The following RBFOX1 variants were observed in gnomAD, a reference collection of about 807,000 sequenced individuals.
The protein encoded by RBFOX1 is RNA binding fox-1 homolog 1, also known as RNA binding protein fox-1 homolog 1.
RBFOX1 carries 8 observed loss-of-function variants against 57.7 expected under a neutral mutation model. The observed-to-expected ratio is 0.14, with a 90% CI of 0.08 to 0.25. The LOEUF (loss-of-function observed/expected upper bound fraction) is 0.25. Ranked by LOEUF, RBFOX1 falls within the 10% of genes least tolerant of loss-of-function variation. The probability of loss-of-function intolerance (pLI) is 1.00; values close to 1 mark genes in which losing one functional copy is unlikely to be tolerated. For synonymous variants in RBFOX1, 326 were observed against 222.4 expected, an observed-to-expected ratio of 1.47 and a Z score of -4.15; for missense variants, 611 against 548.5, an observed-to-expected ratio of 1.11 and a Z score of -1.14.
chr16:5,861,763 T>C (rs949946314), intron 3 of RBFOX1, among the ~76,000 whole-genome samples: 1 of 152,160 alleles, frequency 6.6e-6, no homozygotes, highest in South Asian at 2.1e-4. Context: ...ATGATTTCAT[T>C]TGTTGCAAAG....
At position 7,501,234 on chromosome 16, in the gene RBFOX1, C is replaced by T. The variant is rs1015944119; in HGVS notation, c.28-16913C>T. Among the ~76,000 whole-genome samples the T allele has an allele frequency of 2.6e-5, 4 of 152,206 alleles. No homozygotes were observed. In the South Asian group the frequency reaches 8.3e-4, roughly 32 times the overall value. On this transcript the variant is annotated intron_variant, in intron 4 of 15. Transcript: ENST00000550418. ...CTAAAGTGACTACTTGTTTCCTCTG[C>T]TTATTTCTTCTATTTCAAGCACTAG...
chr16:6,298,526 C>G (rs887234218), intron 1 of RBFOX1, among the ~76,000 whole-genome samples: 1 of 152,150 alleles, frequency 6.6e-6, no homozygotes, highest in Non-Finnish European at 1.5e-5. Flanking sequence ...GCCTTGATTT[C>G]TTTTCAAATT....
At chr16:5,650,082 G>A (rs188225264) in intron 3 of RBFOX1, among the ~76,000 whole-genome samples, 1 of 152,280 alleles carries the variant, frequency 6.6e-6, no homozygotes, top group African/African-American at 2.4e-5. Context: ...AAGGCACGTT[G>A]GGGTCTTCAT....
chr16:6,130,524 A>G (rs973367034), intron 1 of RBFOX1, among the ~76,000 whole-genome samples: 4 of 152,186 alleles, frequency 2.6e-5, no homozygotes, highest in Admixed American at 2.0e-4. Context: ...AAAGACAACC[A>G]TAGAAATAAT....
At chr16:6,087,657 C>CTT (rs199760935) in intron 1 of RBFOX1, among the ~76,000 whole-genome samples, 49 of 142,920 alleles carry the variant, frequency 3.4e-4, no homozygotes, top group African/African-American at 1.1e-3. Flanking sequence ...ATTTATCTTA[C>CTT]TTTTTTTTTT....
chr16:6,587,189 C>G (rs959306621), intron 2 of RBFOX1, among the ~76,000 whole-genome samples: 1 of 152,144 alleles, frequency 6.6e-6, no homozygotes, highest in African/African-American at 2.4e-5. Flanking sequence ...GCTCCCCTCT[C>G]TCCGCACTGG....
intron 3 of RBFOX1, among the ~76,000 whole-genome samples, chr16:6,820,615 CACT>C (rs1316504973): frequency 6.6e-6 from 1 of 151,992 alleles, no homozygotes; most frequent in African/African-American, 2.4e-5. Context: ...GCCATGATCA[CACT>C]ACTACAGTCC....
intron 1 of RBFOX1, among the ~76,000 whole-genome samples, chr16:5,248,314 C>G (rs1028036184): frequency 1.3e-5 from 2 of 152,256 alleles, no homozygotes; most frequent in African/African-American, 4.8e-5. Flanking sequence ...ATTTAATTTC[C>G]TTTTTTTGTT....
intron 3 of RBFOX1, among the ~76,000 whole-genome samples, chr16:5,830,201 A>G (rs1010428737): frequency 2.0e-5 from 3 of 151,916 alleles, no homozygotes; most frequent in Non-Finnish European, 4.4e-5. Flanking sequence ...GTTAGAGACC[A>G]TTTGCCCCGC....
intron 1 of RBFOX1, among the ~76,000 whole-genome samples, chr16:5,266,779 GAGCTGTTGGGCTCA>G (rs2151112215): frequency 6.6e-6 from 1 of 151,626 alleles, no homozygotes; most frequent in East Asian, 2.0e-4. Flanking sequence ...GGCTGGTCTC[GAGCTGTTGGGCTCA>G]AGCAATCTGC....
At chr16:6,324,984 A>G (rs1017314219) in intron 2 of RBFOX1, among the ~76,000 whole-genome samples, 3 of 152,160 alleles carry the variant, frequency 2.0e-5, no homozygotes, top group African/African-American at 4.8e-5. Flanking sequence ...CAGTACAGAC[A>G]TTTTGCTTTC....
rs114367646 is a variant in RBFOX1 at position 5,444,384 on chromosome 16, T to C, written c.220-22832T>C. ...TTCCTTTGGCTGAATTTCAAGCATG[T>C]AAACCATGTGCTAATAGCAAGAATG... On this transcript the variant is annotated intron_variant, in intron 1 of 2. Transcript: ENST00000585867. Among the ~76,000 whole-genome samples the C allele has an allele frequency of 9.1e-4, 138 of 152,344 alleles. 2 individuals are homozygous for C. The highest frequency in any genetic ancestry group is 3.2e-3 in the African/African-American group (131 of 41,582).
chr16:5,705,190 A>G (rs991376572), intron 3 of RBFOX1, among the ~76,000 whole-genome samples: 11 of 152,192 alleles, frequency 7.2e-5, no homozygotes, highest in African/African-American at 2.4e-4. Context: ...CCTATCTTCC[A>G]TCATGCTTCA....
At chr16:6,333,612 A>G (rs2083298085) in intron 2 of RBFOX1, among the ~76,000 whole-genome samples, 1 of 152,042 alleles carries the variant, frequency 6.6e-6, no homozygotes, top group African/African-American at 2.4e-5. Context: ...ACCTCTGAAA[A>G]ACTCTTAAAA....
At chr16:7,393,012 T>C (rs1225838496) in intron 4 of RBFOX1, among the ~76,000 whole-genome samples, 1 of 152,148 alleles carries the variant, frequency 6.6e-6, no homozygotes, top group Non-Finnish European at 1.5e-5. Context: ...TAGCTGGGAC[T>C]ACAGGCCCAT....
intron 2 of RBFOX1, among the ~76,000 whole-genome samples, chr16:6,453,829 CAGGG>C (rs2094695089): frequency 2.0e-5 from 3 of 152,218 alleles, no homozygotes; most frequent in Admixed American, 2.0e-4. Context: ...ACTGACCACA[CAGGG>C]CCAGAGGCTA....
At chr16:7,013,602 A>C (rs1597013530) in intron 3 of RBFOX1, among the ~76,000 whole-genome samples, 1 of 152,182 alleles carries the variant, frequency 6.6e-6, no homozygotes, top group South Asian at 2.1e-4. Flanking sequence ...CAACACAACT[A>C]CTAATGTTAT....
intron 9 of RBFOX1, among the ~76,000 whole-genome samples, chr16:7,601,572 CT>C (rs1417460416): frequency 1.3e-5 from 2 of 152,094 alleles, no homozygotes; most frequent in Non-Finnish European, 2.9e-5. Flanking sequence ...TTGGGACTAG[CT>C]ATTGTTTTCT....
At chr16:5,808,408 T>G (rs2055304859) in intron 3 of RBFOX1, among the ~76,000 whole-genome samples, 1 of 152,190 alleles carries the variant, frequency 6.6e-6, no homozygotes, top group African/African-American at 2.4e-5. Context: ...GCGGGCTCTT[T>G]TTTGGTTCCA....
Sources: gnomAD v4.1 joint callset for allele counts (sites outside exome capture counted in the v4.1 genomes callset) on GRCh38, gnomAD v4.1.1 for gene constraint, MANE v1.5 for transcripts, NCBI Gene and HGNC (gene_info 2026-07-23, HGNC 2026-07-21) for gene names.